SRI: variants seen among roughly 807,000 people sequenced by gnomAD.
The protein encoded by SRI is sorcin.
Under a neutral mutation model 33.3 loss-of-function variants are expected in SRI, and 30 were observed. The observed-to-expected ratio is 0.90, with a 90% confidence interval of 0.67 to 1.22. The LOEUF (loss-of-function observed/expected upper bound fraction) is 1.22. Ranked by LOEUF, SRI falls within the 50% of genes most tolerant of loss-of-function variation. SRI has a pLI of 0.00. For missense variants in SRI, 243 were observed against 250.8 expected (o/e 0.97, Z 0.21); for synonymous variants, 75 against 89.9 (o/e 0.83, Z 0.94).
chr7:88,226,861 T>C, intron 1 of SRI: 1 of 1,589,586 alleles, frequency 6.3e-7, no homozygotes, highest in Non-Finnish European at 8.6e-7. Context: ...ATTAGAACAT[T>C]GGAGCTGCAT....
intron 3 of SRI, among the ~76,000 whole-genome samples, chr7:88,213,776 C>T (rs1451740643): frequency 4.6e-5 from 7 of 152,110 alleles, no homozygotes; most frequent in African/African-American, 1.7e-4. Flanking sequence ...CCTCTTAGAT[C>T]GTCTAAGAAG....
intron 6 of SRI, 26 bp from the exon 7 acceptor site, chr7:88,208,591 T>C (rs774431909): frequency 2.4e-5 from 38 of 1,613,142 alleles, no homozygotes; most frequent in Non-Finnish European, 3.0e-5. Context: ...GTAAAATTTA[T>C]GGTTTTTCTT....
intron 7 of SRI, 83 bp downstream of exon 7, chr7:88,208,424 A>G: frequency 6.4e-7 from 1 of 1,572,544 alleles, no homozygotes; most frequent in Non-Finnish European, 8.6e-7. Flanking sequence ...ACCTTAAGAT[A>G]TTCTTAACAG....
chr7:88,206,649 G>A, intron 7 of SRI, 145 bp from the exon 8 acceptor site: 1 of 836,728 alleles, frequency 1.2e-6, no homozygotes. Context: ...AATGATAGAT[G>A]GAAAAGTTTC....
intron 1 of SRI, among the ~76,000 whole-genome samples, chr7:88,225,917 A>T (rs1851982995): frequency 6.6e-6 from 1 of 152,224 alleles, no homozygotes; most frequent in African/African-American, 2.4e-5. Flanking sequence ...GCATGGCTAA[A>T]GGGGTAGCTA....
intron 1 of SRI, chr7:88,219,307 G>A (rs1423228359): frequency 1.3e-5 from 4 of 311,462 alleles, no homozygotes; most frequent in Non-Finnish European, 2.5e-5. Context: ...TATTTTAAGA[G>A]CGTTTTATGA....
chr7:88,205,603 T>C lies in SRI; in HGVS notation c.*875A>G, dbSNP rs899290817. 2.0e-5 allele frequency: 3 copies of C among 152,184 alleles called. No homozygotes were observed. The highest frequency in any genetic ancestry group is 2.9e-5 in the Non-Finnish European group (2 of 68,024). 9.4% of individuals were successfully genotyped at this position (152,184 alleles called of 1,614,324 possible). A position where few individuals can be genotyped will look rare whatever the true frequency, so the allele number is the denominator to read the frequency against. Reference sequence around the variant, plus strand: ...AACTCATGATCCTGACTCCCAGTGGTAGCCAGATCAATGTTTTGGTACATA... The same window carrying C: ...AACTCATGATCCTGACTCCCAGTGGCAGCCAGATCAATGTTTTGGTACATA... On this transcript the variant is annotated 3_prime_UTR_variant, in exon 8 of 8. Transcript: ENST00000265729.
chr7:88,210,058 G>C lies in SRI; in HGVS notation c.322C>G (p.His108Asp), dbSNP rs569690413. Residue 108 changes from histidine (H) to aspartate (D), a missense_variant, in exon 5 of 8, where the codon CAC becomes GAC. His to Asp is a moderately conservative substitution (Grantham distance 81). Transcript: ENST00000265729. ...CTGTCAGTGTCAAAACTGATAAAGT[G>C]TTGTCTCCAGCCATTCAGTACAGCC... ...LWAVLNGWRQ[H>D]FISFDTDRSG... 2 of 1,614,194 alleles carry C rather than the reference G, an allele frequency of 1.2e-6. No individual in the cohort carries two copies. The highest frequency in any genetic ancestry group is 1.3e-5 in the African/African-American group (1 of 75,052).
chr7:88,221,474 T>G (rs1357738721), upstream of SRI, among the ~76,000 whole-genome samples: 1 of 152,204 alleles, frequency 6.6e-6, no homozygotes, highest in Non-Finnish European at 1.5e-5. Flanking sequence ...TTTGGAAGCC[T>G]GTTTCTTCAG....
At position 88,219,961 on chromosome 7, in the gene SRI, G is replaced by A. The variant is rs1367542186; in HGVS notation, c.51+15C>T. ...GGAGCCGCCTGGGCCGCGATCCCGC[G>A]CAGTCAGCACTTACCCCGCCTGGGT... On this transcript the variant is annotated intron_variant, in intron 1 of 7. Transcript: ENST00000265729. 1.9e-6 allele frequency: 3 copies of A among 1,539,244 alleles called. No individual in the cohort carries two copies. The highest frequency in any genetic ancestry group is 2.5e-5 in the East Asian group (1 of 40,450).
intron 1 of SRI, among the ~76,000 whole-genome samples, chr7:88,226,351 C>T (rs1586726612): frequency 6.6e-6 from 1 of 152,188 alleles, no homozygotes; most frequent in Non-Finnish European, 1.5e-5. Flanking sequence ...TTGGTTATTG[C>T]CCATCCCCAT....
chr7:88,219,566 T>G, intron 1 of SRI: 2 of 202,626 alleles, frequency 9.9e-6, no homozygotes. Flanking sequence ...GTTTGTTTGT[T>G]TGTTTGTTTT....
chr7:88,226,241 C>A (rs1851991281), intron 1 of SRI, among the ~76,000 whole-genome samples: 1 of 152,140 alleles, frequency 6.6e-6, no homozygotes, highest in African/African-American at 2.4e-5. Flanking sequence ...GGTTCTCAGG[C>A]AAGCCCTCGA....
chr7:88,217,047 G>T (rs1314651068), intron 3 of SRI, 75 bp downstream of exon 3: 3 of 1,335,702 alleles, frequency 2.2e-6, no homozygotes, highest in Non-Finnish European at 3.2e-6. Context: ...TTTCTTGAAG[G>T]CTGTAATCAC....
At chr7:88,214,667 C>T (rs559081958) in intron 3 of SRI, 73 of 188,788 alleles carry the variant, frequency 3.9e-4, no homozygotes, top group African/African-American at 1.4e-3. Flanking sequence ...ATATTAGTTA[C>T]GTAAATGTAA....
chr7:88,214,810 TCTC>T, intron 3 of SRI: 1 of 1,081,028 alleles, frequency 9.3e-7, no homozygotes, highest in Non-Finnish European at 1.1e-6. Flanking sequence ...CTCTTTTTCT[TCTC>T]TTCTGTTCAT....
intron 3 of SRI, 122 bp downstream of exon 3, chr7:88,217,000 C>T (rs889632328): frequency 3.1e-5 from 28 of 909,422 alleles, no homozygotes; most frequent in Middle Eastern, 2.2e-4. Context: ...TTTTAGCTTT[C>T]GGAATTCTAA....
At chr7:88,216,980 T>C (rs897041130) in intron 3 of SRI, 142 bp downstream of exon 3, 3 of 781,952 alleles carry the variant, frequency 3.8e-6, no homozygotes, top group Non-Finnish European at 6.7e-6. Flanking sequence ...CATTTTGAAA[T>C]AGTACTGTAT....
Position 88,214,493 on chromosome 7 carries a change from C to CA in SRI, c.205+2628dup, listed in dbSNP as rs1298416116. ...ATGGCAGTGAACAAAAGTGAATGAACAAAAAATACACCATTCTAGACAGTT... is the reference window on the plus strand; with the variant it reads ...ATGGCAGTGAACAAAAGTGAATGAACAAAAAAATACACCATTCTAGACAGTT... On this transcript the variant is annotated intron_variant, in intron 3 of 7. Coordinates refer to ENST00000265729, the MANE Select transcript of SRI (RefSeq NM_003130.4). 5.3e-5 allele frequency among the ~76,000 whole-genome samples: 8 copies of CA among 151,920 alleles called. No individual in the cohort carries two copies. In the East Asian group the frequency reaches 1.5e-3, roughly 29 times the overall value.
Sources: gnomAD v4.1 joint callset for allele counts (sites outside exome capture counted in the v4.1 genomes callset) on GRCh38, gnomAD v4.1.1 for gene constraint, MANE v1.5 for transcripts, NCBI Gene and HGNC (gene_info 2026-07-23, HGNC 2026-07-21) for gene names.